The following FRMD4B variants were observed in gnomAD, a reference collection of about 807,000 sequenced individuals.
FRMD4B encodes the protein FERM domain containing 4B.
A neutral mutation model predicts 141.5 loss-of-function variants in FRMD4B; 74 were observed. The observed-to-expected ratio is 0.52, with a 90% CI of 0.43 to 0.63. The LOEUF (loss-of-function observed/expected upper bound fraction) is 0.63, where lower values mean the gene tolerates loss of function less well. FRMD4B is among the 30% of genes least tolerant of loss of function. The pLI, the probability that FRMD4B is intolerant of heterozygous loss-of-function variation, is 0.00. For synonymous variants in FRMD4B, 506 were observed against 467.9 expected (o/e 1.08, Z -1.05); for missense variants, 1,366 against 1,253.4 (o/e 1.09, Z -1.36).
intron 17 of FRMD4B, among the ~76,000 whole-genome samples, chr3:69,192,459 G>A (rs2092848864): frequency 1.3e-5 from 2 of 152,118 alleles, no homozygotes; most frequent in South Asian, 2.1e-4. Context: ...AGGAAAAAAT[G>A]TCTTAGAATC....
At chr3:69,382,025 C>T (rs1000631609) in intron 1 of FRMD4B, among the ~76,000 whole-genome samples, 2 of 152,006 alleles carry the variant, frequency 1.3e-5, no homozygotes, top group Non-Finnish European at 1.5e-5. Context: ...TTTGTCACCC[C>T]TCCTATTTTA....
At chr3:69,529,042 G>A (rs747023474) in intron 1 of FRMD4B, among the ~76,000 whole-genome samples, 2 of 152,120 alleles carry the variant, frequency 1.3e-5, no homozygotes, top group African/African-American at 2.4e-5. Flanking sequence ...ACCAATGCAG[G>A]TGCTGGCAGC....
intron 1 of FRMD4B, among the ~76,000 whole-genome samples, chr3:69,530,318 A>G (rs1700992917): frequency 1.3e-5 from 2 of 152,210 alleles, no homozygotes; most frequent in Non-Finnish European, 2.9e-5. Flanking sequence ...TGAATAGATT[A>G]AGGCCTTCAC....
intron 1 of FRMD4B, among the ~76,000 whole-genome samples, chr3:69,468,813 C>T (rs116479290): frequency 0.019 from 2,943 of 152,242 alleles, 91 homozygotes; most frequent in African/African-American, 0.065. Flanking sequence ...ACTGCTCCAC[C>T]TCTGGACTTG....
chr3:69,274,287 A>G (rs2093608147), intron 5 of FRMD4B, among the ~76,000 whole-genome samples: 2 of 152,188 alleles, frequency 1.3e-5, no homozygotes, highest in Admixed American at 1.3e-4. Context: ...CCATTGAGGT[A>G]GAAACTTCTT....
At chr3:69,499,295 T>C (rs10510976) in intron 1 of FRMD4B, among the ~76,000 whole-genome samples, 24,213 of 152,104 alleles carry the variant, frequency 0.16, 2,011 homozygotes, top group South Asian at 0.24. Flanking sequence ...AAGCCATTGA[T>C]CCAAGCAGTA....
intron 7 of FRMD4B, among the ~76,000 whole-genome samples, chr3:69,239,218 C>G (rs890498467): frequency 1.3e-5 from 2 of 152,164 alleles, no homozygotes; most frequent in Non-Finnish European, 1.5e-5. Flanking sequence ...GGATTGGTGT[C>G]AGCCTTTTAT....
intron 1 of FRMD4B, among the ~76,000 whole-genome samples, chr3:69,530,403 C>T (rs977230070): frequency 6.6e-6 from 1 of 152,092 alleles, no homozygotes; most frequent in Non-Finnish European, 1.5e-5. Flanking sequence ...CATGCCCCAA[C>T]CCTCACCTCT....
intron 9 of FRMD4B, among the ~76,000 whole-genome samples, chr3:69,221,223 A>G (rs1033418399): frequency 1.3e-5 from 2 of 152,134 alleles, no homozygotes; most frequent in Non-Finnish European, 2.9e-5. Flanking sequence ...TCAGCCTACC[A>G]AAATGCTGGG....
chr3:69,340,510 C>T (rs975177781), intron 1 of FRMD4B, among the ~76,000 whole-genome samples: 1 of 152,194 alleles, frequency 6.6e-6, no homozygotes, highest in African/African-American at 2.4e-5. Flanking sequence ...GTCATGTTTT[C>T]ATAGGAGACA....
chr3:69,496,435 C>T lies in FRMD4B; in HGVS notation c.-129+45771G>A, dbSNP rs76469901. On this transcript the variant is annotated intron_variant, in intron 1 of 5. Coordinates refer to the FRMD4B transcript ENST00000459638. The stretch of plus-strand genomic sequence containing the variant: ...TTGATTTAAAGATGGGCGAGTGACC[C>T]AAGTTCATCCAATTAGGGTCAGTCT... Among the ~76,000 whole-genome samples, 232 of 152,194 alleles carry T rather than the reference C, an allele frequency of 1.5e-3. 6 individuals are homozygous for T. The East Asian group carries it at 0.037, about 24-fold the overall frequency.
At chr3:69,478,428 T>A (rs968612553) in intron 1 of FRMD4B, among the ~76,000 whole-genome samples, 83 of 151,946 alleles carry the variant, frequency 5.5e-4, no homozygotes, top group African/African-American at 1.9e-3. Context: ...TGGTTTCAAA[T>A]AACATCTTTA....
intron 1 of FRMD4B, among the ~76,000 whole-genome samples, chr3:69,501,112 T>C (rs1417137790): frequency 2.0e-5 from 3 of 152,178 alleles, no homozygotes; most frequent in Non-Finnish European, 4.4e-5. Context: ...TATTTATTAA[T>C]GTATAAATTG....
chr3:69,379,834 A>C (rs1704068576), intron 1 of FRMD4B, among the ~76,000 whole-genome samples: 1 of 152,248 alleles, frequency 6.6e-6, no homozygotes, highest in Non-Finnish European at 1.5e-5. Context: ...AAGCAGCTGT[A>C]GACAACATGT....
At chr3:69,536,511 C>A (rs1183147462) in intron 1 of FRMD4B, 2 of 697,524 alleles carry the variant, frequency 2.9e-6, no homozygotes, top group Non-Finnish European at 5.3e-6. Flanking sequence ...CCCCAGCCTG[C>A]AGCGCCTCTA....
chr3:69,371,428 A>C (rs545616541), intron 1 of FRMD4B, among the ~76,000 whole-genome samples: 1 of 152,306 alleles, frequency 6.6e-6, no homozygotes, highest in South Asian at 2.1e-4. Context: ...AGAGATAGTA[A>C]GGCCAGGTTG....
At chr3:69,260,466 C>T (rs2093519393) in intron 5 of FRMD4B, among the ~76,000 whole-genome samples, 1 of 152,238 alleles carries the variant, frequency 6.6e-6, no homozygotes, top group Non-Finnish European at 1.5e-5. Context: ...TGCTGGCCCA[C>T]CTGCGTCGCG....
At chr3:69,469,190 C>T (rs1050743670) in intron 1 of FRMD4B, among the ~76,000 whole-genome samples, 3 of 152,034 alleles carry the variant, frequency 2.0e-5, no homozygotes, top group South Asian at 2.1e-4. Context: ...GGCCATTTGC[C>T]GGTTCTATTA....
chr3:69,405,731 A>C (rs1341305802), intron 2 of FRMD4B, among the ~76,000 whole-genome samples: 1 of 152,124 alleles, frequency 6.6e-6, no homozygotes, highest in Non-Finnish European at 1.5e-5. Context: ...CTCCGATACC[A>C]TGTTTCCCAG....
Sources: allele counts gnomAD v4.1 joint callset (sites outside exome capture counted in the v4.1 genomes callset), GRCh38; gene constraint gnomAD v4.1.1; transcripts MANE v1.5; gene names NCBI Gene and HGNC (gene_info 2026-07-23, HGNC 2026-07-21).